NIPBL: variants seen among roughly 807,000 people sequenced by gnomAD.
NIPBL encodes nipped-B-like protein.
Under a neutral mutation model 321.8 loss-of-function variants are expected in NIPBL, and 19 were observed. That is an observed-to-expected ratio of 0.06 (90% CI 0.04 to 0.09). The LOEUF (loss-of-function observed/expected upper bound fraction) is 0.09, where lower values mean the gene tolerates loss of function less well. Among genes scored for constraint, NIPBL ranks in the 10% least tolerant of loss-of-function variants. NIPBL has a pLI of 1.00. For missense variants in NIPBL, 2,210 were observed against 3,327.0 expected, an observed-to-expected ratio of 0.66 and a Z score of 8.26; for synonymous variants, 1,106 against 1,114.1, an observed-to-expected ratio of 0.99 and a Z score of 0.14.
chr5:36,953,839 T>C, intron 2 of NIPBL, 79 bp downstream of exon 2: 11 of 1,241,644 alleles, frequency 8.9e-6, no homozygotes, highest in Non-Finnish European at 1.3e-5. Flanking sequence ...CTAAAAATTA[T>C]TATAGGTTCT....
At chr5:37,022,218 GT>G (rs754984568) in intron 28 of NIPBL, 25 bp from the exon 29 acceptor site, 2 of 1,613,436 alleles carry the variant, frequency 1.2e-6, no homozygotes, top group South Asian at 1.1e-5. Flanking sequence ...GGTATAAATT[GT>G]TTTTTTCTCT....
chr5:37,052,456 G>A lies in NIPBL; in HGVS notation c.7153G>A (p.Asp2385Asn), dbSNP rs1753667239. 6.2e-7 allele frequency: 1 copy of A among 1,613,964 alleles called. No individual in the cohort carries two copies. Among genetic ancestry groups the A allele is most frequent in the Admixed American group, 1.7e-5 (1 of 59,990 alleles). The change falls in exon 42 of 47, where the codon GAC becomes AAC. Residue 2385 changes from aspartate to asparagine, a missense_variant. Physicochemically the swap from Asp to Asn is conservative, Grantham distance 23 (BLOSUM62 1). This residue lies in a region of NIPBL where 112 missense variants were observed against 288.3 expected (regional missense o/e 0.39). Transcript: ENST00000282516. ...AGATCCTGTAAGGGGTTTCAGACAA[G>A]ACGAGTCCTCTAGCGCTTTGTGTTC... ...LKDPVRGFRQDESSSALCSHL... is the reference protein window; with the variant it reads ...LKDPVRGFRQNESSSALCSHL...
chr5:37,014,619 C>A, intron 21 of NIPBL, 64 bp from the exon 22 acceptor site: 2 of 945,134 alleles, frequency 2.1e-6, no homozygotes, highest in Non-Finnish European at 3.5e-6. Flanking sequence ...AATAACATGA[C>A]AATAGCAACA....
intron 38 of NIPBL, 84 bp from the exon 39 acceptor site, chr5:37,048,418 T>C: frequency 1.2e-6 from 1 of 813,466 alleles, no homozygotes; most frequent in Non-Finnish European, 1.7e-6. Context: ...AAGGAGCCGT[T>C]TATATAATTT....
rs780275078 is a variant in NIPBL, at chr5:37,022,408, A to G, written c.5574+18A>G. 8 of 1,591,328 alleles carry G rather than the reference A, an allele frequency of 5.0e-6. No homozygotes were observed. Among genetic ancestry groups the G allele is most frequent in the Middle Eastern group, 1.8e-4 (1 of 5,480 alleles). On this transcript the variant is annotated intron_variant, in intron 29 of 46. Coordinates refer to ENST00000282516, the MANE Select transcript of NIPBL (RefSeq NM_133433.4). ...GAATATTGGTATGTTTGTCATTTTT[A>G]TAATGATTCGTGAATATAATTTTGC...
In NIPBL at chr5:37,000,972, A is replaced by G. The variant is rs78827246; in HGVS notation, c.3575-17A>G. 189,505 of 1,599,282 alleles carry G rather than the reference A, an allele frequency of 0.12. 11,973 individuals carry two copies. Among genetic ancestry groups the G allele is most frequent in the Admixed American group, 0.22 (13,025 of 59,860 alleles). On this transcript the variant is annotated splice_polypyrimidine_tract_variant and intron_variant, in intron 13 of 46. Coordinates refer to ENST00000282516, the MANE Select transcript of NIPBL (RefSeq NM_133433.4). ...CTTGTAATGTGAGAATAATGAATAT[A>G]TTTTTCTCTCTTGCAGAAATGATGG...
In NIPBL at chr5:36,976,140, C is replaced by G; in HGVS notation, c.1233C>G (p.Asn411Lys). ...CACCCATTACTCCACAAGATATAAA[C>G]CGCCCACTAAATGCTGCTCAATGTT... is the stretch of plus-strand genomic sequence containing the variant. ...SKTPITPQDI[N>K]RPLNAAQCLS... Residue 411 changes from asparagine (N) to lysine (K), a missense_variant, in exon 9 of 47, where the codon AAC (asparagine) becomes AAG (lysine). Physicochemically the swap from Asn to Lys is moderately conservative, Grantham distance 94. Around this residue, in one of 14 missense-constraint regions of NIPBL, gnomAD observed 464 missense variants for 529.5 expected, o/e 0.88. Transcript: ENST00000282516. 1 of 1,613,716 alleles carries G rather than the reference C, an allele frequency of 6.2e-7. No individual in the cohort carries two copies. Among genetic ancestry groups the G allele is most frequent in the Non-Finnish European group, 8.5e-7 (1 of 1,179,754 alleles).
At chr5:37,007,539 GCTCA>G (rs1211335790) in intron 18 of NIPBL, 65 bp downstream of exon 18, 3 of 1,147,680 alleles carry the variant, frequency 2.6e-6, no homozygotes, top group Non-Finnish European at 3.9e-6. Flanking sequence ...GTATAACCTA[GCTCA>G]CTCAATAATA....
chr5:36,886,107 C>T (rs570763176), intron 1 of NIPBL: 13 of 669,784 alleles, frequency 1.9e-5, no homozygotes, highest in South Asian at 1.0e-4. Context: ...CTGAGACATA[C>T]GGTCCAGTCC....
rs943428081 is a variant in NIPBL at position 36,876,906 on chromosome 5, A to T, written c.-352A>T. 1 of 191,182 alleles carries T rather than the reference A, an allele frequency of 5.2e-6. No individual in the cohort carries two copies. Among genetic ancestry groups the T allele is most frequent in the East Asian group, 1.0e-4 (1 of 9,748 alleles). 11.8% of individuals were successfully genotyped at this position (191,182 alleles called of 1,614,324 possible). A position where few individuals can be genotyped will look rare whatever the true frequency, so the allele number is the denominator to read the frequency against. ...CGCAGGGAGGGACGCCCCCGCCGACAGGAGAATTGGTTCCCGGGCCCGCGG... is the reference window on the plus strand; with the variant it reads ...CGCAGGGAGGGACGCCCCCGCCGACTGGAGAATTGGTTCCCGGGCCCGCGG... On this transcript the variant is annotated 5_prime_UTR_variant, in exon 1 of 47. Transcript: ENST00000282516.
chr5:37,035,974 T>G (rs77402603), intron 32 of NIPBL, among the ~76,000 whole-genome samples: 111 of 152,300 alleles, frequency 7.3e-4, no homozygotes, highest in Non-Finnish European at 1.5e-3. Context: ...TAATTGCCTT[T>G]TAAGGTGCAA....
chr5:37,046,002 A>G (rs1314405200), intron 37 of NIPBL, 107 bp from the exon 38 acceptor site: 6 of 672,818 alleles, frequency 8.9e-6, no homozygotes, highest in Non-Finnish European at 1.6e-5. Flanking sequence ...TTTTTTTAAT[A>G]AAGTTCACAC....
At chr5:36,970,744 A>G (rs1351569852) in intron 6 of NIPBL, 132 bp from the exon 7 acceptor site, 4 of 756,090 alleles carry the variant, frequency 5.3e-6, no homozygotes, top group East Asian at 5.4e-5. Flanking sequence ...TGATGAAACT[A>G]GTCAGTACAT....
chr5:36,945,074 A>G (rs969147801), intron 1 of NIPBL, among the ~76,000 whole-genome samples: 2 of 152,188 alleles, frequency 1.3e-5, no homozygotes, highest in Non-Finnish European at 2.9e-5. Context: ...ATAAAAGAAG[A>G]TGAGAAATAA....
intron 1 of NIPBL, among the ~76,000 whole-genome samples, chr5:36,891,378 A>G (rs1746320794): frequency 1.3e-5 from 2 of 152,248 alleles, no homozygotes; most frequent in Non-Finnish European, 2.9e-5. Flanking sequence ...TGCTATGATC[A>G]AGATAAACAA....
intron 1 of NIPBL, among the ~76,000 whole-genome samples, chr5:36,942,299 G>A (rs1009352694): frequency 4.0e-5 from 6 of 151,666 alleles, no homozygotes; most frequent in African/African-American, 1.5e-4. Flanking sequence ...AGGTGGGGTG[G>A]TGAATGCCTG....
intron 1 of NIPBL, among the ~76,000 whole-genome samples, chr5:36,932,935 G>A (rs1023089910): frequency 3.4e-4 from 52 of 152,010 alleles, no homozygotes; most frequent in African/African-American, 1.1e-3. Context: ...GTAGCTGGGA[G>A]TACAGGCATA....
chr5:37,050,156 AC>A (rs1316712835), intron 40 of NIPBL, among the ~76,000 whole-genome samples: 2 of 151,746 alleles, frequency 1.3e-5, no homozygotes, highest in Non-Finnish European at 1.5e-5. Context: ...TGCCTTTTAA[AC>A]TTTTTTTTTT....
In NIPBL at chr5:37,020,583, C is replaced by T; in HGVS notation, c.5135C>T (p.Thr1712Ile). 1 of 1,614,018 alleles carries T rather than the reference C, an allele frequency of 6.2e-7. No homozygotes were observed. Among genetic ancestry groups the T allele is most frequent in the Non-Finnish European group, 8.5e-7 (1 of 1,179,968 alleles). The change falls in exon 26 of 47, where the codon ACA becomes ATA. Residue 1712 changes from threonine to isoleucine, a missense_variant. This residue lies in a region of NIPBL where 138 missense variants were observed against 175.8 expected (regional missense o/e 0.79). Coordinates refer to ENST00000282516, the MANE Select transcript of NIPBL (RefSeq NM_133433.4). ...EGTHHAKEIE[T>I]TGQIMHRAEN... ...ACACATCATGCAAAGGAAATTGAGA[C>T]AACTGGCCAAATTATGCATCGAGCT...
Sources: allele counts gnomAD v4.1 joint callset (sites outside exome capture counted in the v4.1 genomes callset), GRCh38; gene constraint gnomAD v4.1.1; regional missense constraint gnomAD v4.1.1; transcripts MANE v1.5; gene names NCBI Gene and HGNC (gene_info 2026-07-23, HGNC 2026-07-21).